Variants in MYO3B observed in about 807,000 individuals in gnomAD.
MYO3B encodes myosin-IIIb.
A neutral mutation model predicts 174.6 loss-of-function variants in MYO3B; 156 were observed. The ratio of observed to expected loss-of-function variants is 0.89; its 90% CI spans 0.78 to 1.02. The LOEUF is 1.02. Ranked by LOEUF, MYO3B falls within the 50% of genes least tolerant of loss-of-function variation. The pLI, the probability that MYO3B is intolerant of heterozygous loss-of-function variation, is 0.00. For missense variants in MYO3B, 1,632 were observed against 1,639.4 expected (o/e 1.00, Z 0.08); for synonymous variants, 563 against 569.1 (o/e 0.99, Z 0.15).
At chr2:170,395,762 G>C (rs2094439447) in intron 16 of MYO3B, among the ~76,000 whole-genome samples, 1 of 152,112 alleles carries the variant, frequency 6.6e-6, no homozygotes, top group African/African-American at 2.4e-5. Context: ...TTACAAAAAA[G>C]AAAGAAAGGA....
At chr2:170,651,540 A>C in intron 32 of MYO3B, 88 bp from the exon 33 acceptor site, 1 of 982,858 alleles carries the variant, frequency 1.0e-6, no homozygotes. Context: ...CACAGTTTCT[A>C]CTAAGTGCAT....
intron 6 of MYO3B, among the ~76,000 whole-genome samples, chr2:170,223,110 C>A (rs2092918469): frequency 6.6e-6 from 1 of 152,128 alleles, no homozygotes; most frequent in Admixed American, 6.5e-5. Flanking sequence ...TCTCTCCTAC[C>A]TACTCTCAGG....
At chr2:170,490,239 A>G (rs1686376099) in intron 25 of MYO3B, among the ~76,000 whole-genome samples, 1 of 152,120 alleles carries the variant, frequency 6.6e-6, no homozygotes, top group African/African-American at 2.4e-5. Context: ...CATGTTAGCC[A>G]GGATGGTCTC....
At chr2:170,580,385 C>T (rs1693054384) in intron 32 of MYO3B, among the ~76,000 whole-genome samples, 1 of 152,164 alleles carries the variant, frequency 6.6e-6, no homozygotes, top group Non-Finnish European at 1.5e-5. Context: ...TGCCTGTAAT[C>T]CCAACGCTTT....
intron 32 of MYO3B, among the ~76,000 whole-genome samples, chr2:170,590,239 A>T (rs906062015): frequency 1.3e-5 from 2 of 152,234 alleles, no homozygotes; most frequent in Non-Finnish European, 2.9e-5. Flanking sequence ...CAGAACCAAA[A>T]GGGATAGGAG....
intron 25 of MYO3B, among the ~76,000 whole-genome samples, chr2:170,484,653 T>C (rs1685911881): frequency 6.6e-6 from 1 of 152,218 alleles, no homozygotes; most frequent in Admixed American, 6.5e-5. Flanking sequence ...CAGGACTTTT[T>C]CTTTCTAATA....
chr2:170,466,193 C>T (rs552525050), intron 24 of MYO3B, among the ~76,000 whole-genome samples: 20 of 152,218 alleles, frequency 1.3e-4, no homozygotes, highest in African/African-American at 4.8e-4. Flanking sequence ...TGGAACATCA[C>T]CTTGGAATAC....
At chr2:170,288,762 G>A (rs1316023616) in intron 7 of MYO3B, among the ~76,000 whole-genome samples, 1 of 152,000 alleles carries the variant, frequency 6.6e-6, no homozygotes, top group Non-Finnish European at 1.5e-5. Context: ...TATTGAATAA[G>A]AGAAGTGAAA....
intron 32 of MYO3B, among the ~76,000 whole-genome samples, chr2:170,609,780 T>C (rs1695026740): frequency 1.3e-5 from 2 of 152,204 alleles, no homozygotes; most frequent in African/African-American, 4.8e-5. Flanking sequence ...AAAGGGCTGT[T>C]CCTCTTCCAG....
At chr2:170,493,024 G>A (rs573321935) in intron 25 of MYO3B, among the ~76,000 whole-genome samples, 11 of 151,944 alleles carry the variant, frequency 7.2e-5, no homozygotes, top group South Asian at 2.1e-4. Flanking sequence ...GCTCCCTTCC[G>A]CCCTCAAAGG....
chr2:170,181,424 T>A (rs1012346383), intron 1 of MYO3B, among the ~76,000 whole-genome samples: 7 of 152,138 alleles, frequency 4.6e-5, no homozygotes, highest in African/African-American at 1.7e-4. Context: ...TCTGGATTTT[T>A]AAATTTTCTT....
At chr2:170,322,107 C>T (rs1358243383) in intron 7 of MYO3B, among the ~76,000 whole-genome samples, 8 of 137,378 alleles carry the variant, frequency 5.8e-5, no homozygotes, top group East Asian at 2.1e-4. Flanking sequence ...AGCGAGACTC[C>T]GTCTCGAAAA....
At chr2:170,574,565 C>A (rs1692667540) in intron 32 of MYO3B, among the ~76,000 whole-genome samples, 1 of 152,064 alleles carries the variant, frequency 6.6e-6, no homozygotes, top group Non-Finnish European at 1.5e-5. Flanking sequence ...AAAAGAAACA[C>A]ATGGATCTAA....
At chr2:170,463,114 A>C (rs983947995) in intron 23 of MYO3B, among the ~76,000 whole-genome samples, 3 of 152,264 alleles carry the variant, frequency 2.0e-5, no homozygotes, top group Admixed American at 2.0e-4. Flanking sequence ...AAGATGTAGA[A>C]GTATAGAAAT....
intron 3 of MYO3B, among the ~76,000 whole-genome samples, chr2:170,213,188 C>T (rs552733275): frequency 3.3e-5 from 5 of 152,198 alleles, no homozygotes; most frequent in South Asian, 2.1e-4. Flanking sequence ...CAGGACAAGC[C>T]GCAGACAAAA....
At chr2:170,625,437 T>C (rs1394036478) in intron 32 of MYO3B, among the ~76,000 whole-genome samples, 1 of 152,218 alleles carries the variant, frequency 6.6e-6, no homozygotes, top group Admixed American at 6.5e-5. Context: ...TCTATTTGAT[T>C]CTTCTCTCTT....
At chr2:170,622,270 A>G (rs1438127879) in intron 32 of MYO3B, among the ~76,000 whole-genome samples, 1 of 152,204 alleles carries the variant, frequency 6.6e-6, no homozygotes, top group Non-Finnish European at 1.5e-5. Context: ...TTTTGAAGCT[A>G]GAAATTGTGC....
chr2:170,278,269 G>A (rs2093478062), intron 7 of MYO3B, among the ~76,000 whole-genome samples: 1 of 152,104 alleles, frequency 6.6e-6, no homozygotes, highest in Non-Finnish European at 1.5e-5. Context: ...TTTTAAGAAT[G>A]TCGTAGTCTT....
At chr2:170,445,327 C>G (rs2105915489) in intron 23 of MYO3B, among the ~76,000 whole-genome samples, 1 of 151,486 alleles carries the variant, frequency 6.6e-6, no homozygotes, top group East Asian at 2.0e-4. Flanking sequence ...CAGCACCACA[C>G]TTGCGGGGAT....
Sources: gnomAD v4.1 joint callset for allele counts (sites outside exome capture counted in the v4.1 genomes callset) on GRCh38, gnomAD v4.1.1 for gene constraint, MANE v1.5 for transcripts, NCBI Gene and HGNC (gene_info 2026-07-23, HGNC 2026-07-21) for gene names.